The following SEZ6 variants were observed in gnomAD, a reference collection of about 807,000 sequenced individuals.
SEZ6 encodes the protein seizure related 6 homolog, also known as seizure protein 6 homolog.
In SEZ6, 53 loss-of-function variants were observed where a neutral mutation model predicts 101.0. The ratio of observed to expected loss-of-function variants is 0.52; its 90% CI spans 0.42 to 0.66. SEZ6 has a LOEUF of 0.66. SEZ6 is among the 30% of genes least tolerant of loss of function. The pLI, the probability that SEZ6 is intolerant of heterozygous loss-of-function variation, is 0.00. For missense variants in SEZ6, 1,102 were observed against 1,289.4 expected, an observed-to-expected ratio of 0.85 and a Z score of 2.23; for synonymous variants, 488 against 512.2, an observed-to-expected ratio of 0.95 and a Z score of 0.64.
At chr17:28,999,421 C>T (rs899431243) in intron 1 of SEZ6, among the ~76,000 whole-genome samples, 1 of 151,388 alleles carries the variant, frequency 6.6e-6, no homozygotes, top group Non-Finnish European at 1.5e-5. Context: ...TCCCACCCTA[C>T]CCCCTCCCTT....
In SEZ6 at chr17:28,980,089, C is replaced by T. The variant is rs200855464; in HGVS notation, c.725-276G>A. Reference sequence around the variant, plus strand: ...GTCTCCATCTCCTGACCTCATGATCCGCCCGCCTCAGCCTCCCAAAGTGCT... The same window carrying T: ...GTCTCCATCTCCTGACCTCATGATCTGCCCGCCTCAGCCTCCCAAAGTGCT... On this transcript the variant is annotated intron_variant, in intron 2 of 16. Transcript: ENST00000317338. 1.1e-4 allele frequency among the ~76,000 whole-genome samples: 16 copies of T among 151,790 alleles called. No homozygotes were observed. The East Asian group carries it at 2.7e-3, about 26-fold the overall frequency.
chr17:28,967,568 G>A (rs938322259), intron 4 of SEZ6, among the ~76,000 whole-genome samples: 2 of 152,232 alleles, frequency 1.3e-5, no homozygotes, highest in African/African-American at 4.8e-5. Flanking sequence ...GGATGGGATG[G>A]AGAAAGGGGT....
At chr17:28,962,780 CAAAA>C (rs141990354) in intron 5 of SEZ6, among the ~76,000 whole-genome samples, 4 of 47,312 alleles carry the variant, frequency 8.5e-5, no homozygotes, top group Admixed American at 2.3e-4. Flanking sequence ...GACTCCATCT[CAAAA>C]AAAAAAAAAA....
At chr17:28,981,056 C>T (rs567181951) in intron 2 of SEZ6, among the ~76,000 whole-genome samples, 3 of 152,142 alleles carry the variant, frequency 2.0e-5, no homozygotes, top group South Asian at 2.1e-4. Context: ...CCACCATGCC[C>T]GGCTCATTTT....
chr17:28,992,591 C>T (rs1180061958), intron 1 of SEZ6, among the ~76,000 whole-genome samples: 2 of 152,210 alleles, frequency 1.3e-5, no homozygotes, highest in African/African-American at 2.4e-5. Context: ...CTGTTGTGCC[C>T]CTTTTTCACT....
At position 28,960,126 on chromosome 17, in the gene SEZ6, C is replaced by T. The variant is rs747683144; in HGVS notation, c.1577-234G>A. The T allele has an allele frequency of 5.2e-4, 313 of 596,934 alleles. 2 individuals are homozygous for T. Among genetic ancestry groups the T allele is most frequent in the Non-Finnish European group, 7.9e-4 (269 of 338,874 alleles). The allele number at this position is 596,934 out of a possible 1,614,324, so 37.0% of individuals were successfully genotyped here. ...CCTGTTCCCACTGCCTGGTTTTGTG[C>T]TTAGTACACAGAAGGTACTCCATAC... On this transcript the variant is annotated intron_variant, in intron 7 of 16. Coordinates refer to ENST00000317338, the MANE Select transcript of SEZ6 (RefSeq NM_178860.5).
At chr17:28,991,766 C>T (rs563454759) in intron 1 of SEZ6, among the ~76,000 whole-genome samples, 1 of 152,200 alleles carries the variant, frequency 6.6e-6, no homozygotes, top group East Asian at 1.9e-4. Context: ...GGGAACTGGG[C>T]GTAGCAGCTA....
At chr17:28,992,366 G>A (rs559060400) in intron 1 of SEZ6, among the ~76,000 whole-genome samples, 3 of 152,244 alleles carry the variant, frequency 2.0e-5, no homozygotes, top group Admixed American at 2.0e-4. Flanking sequence ...GCACGTGCGT[G>A]TGTGTGTGGG....
intron 3 of SEZ6, among the ~76,000 whole-genome samples, chr17:28,971,286 G>A (rs2041147882): frequency 6.6e-6 from 1 of 152,134 alleles, no homozygotes. Context: ...CCTCACCTGG[G>A]AACTTGTAAG....
chr17:29,004,178 C>T (rs1447851500), intron 1 of SEZ6, among the ~76,000 whole-genome samples: 2 of 152,206 alleles, frequency 1.3e-5, no homozygotes, highest in Non-Finnish European at 2.9e-5. Flanking sequence ...CATGCAGGGC[C>T]CTGATTACTC....
intron 1 of SEZ6, among the ~76,000 whole-genome samples, chr17:29,001,125 G>A (rs2041609497): frequency 6.6e-6 from 1 of 152,150 alleles, no homozygotes; most frequent in Non-Finnish European, 1.5e-5. Context: ...CCAACTGTTA[G>A]GAAAGGAAAA....
At chr17:28,958,704 C>A (rs1029791075) in intron 10 of SEZ6, among the ~76,000 whole-genome samples, 1 of 151,750 alleles carries the variant, frequency 6.6e-6, no homozygotes, top group Non-Finnish European at 1.5e-5. Flanking sequence ...GCACGAGAAT[C>A]GCTTGAGCCC....
chr17:28,979,884 T>TG, intron 2 of SEZ6, 71 bp from the exon 3 acceptor site: 1 of 452,392 alleles, frequency 2.2e-6, no homozygotes. Context: ...CTGAACCGTG[T>TG]GTGTGTGTGT....
intron 3 of SEZ6, among the ~76,000 whole-genome samples, chr17:28,970,645 G>A (rs949538346): frequency 4.6e-5 from 7 of 152,116 alleles, no homozygotes; most frequent in Non-Finnish European, 1.0e-4. Context: ...CTAGATCACC[G>A]CAGCAGCCTC....
Position 28,979,722 on chromosome 17 carries a change from G to C in SEZ6, c.816C>G (p.Phe272Leu). The change falls in exon 3 of 17, where the codon TTC becomes TTG. Residue 272 changes from phenylalanine (F) to leucine (L), a missense_variant. Coordinates refer to ENST00000317338, the MANE Select transcript of SEZ6 (RefSeq NM_178860.5). The part of the protein sequence containing the change: ...SSPTDVGLDC[F>L]FYISVYPGYG... The stretch of plus-strand genomic sequence containing the variant: ...AGCCAGGGTAGACAGAGATGTAGAA[G>C]AAGCAGTCCAGGCCAACATCAGTGG... The C allele has an allele frequency of 6.2e-7, 1 of 1,614,004 alleles. No individual in the cohort carries two copies. The highest frequency in any genetic ancestry group is 8.5e-7 in the Non-Finnish European group (1 of 1,179,894).
chr17:28,958,223 C>G lies in SEZ6; in HGVS notation c.2108-82G>C. On this transcript the variant is annotated intron_variant, in intron 10 of 16. Transcript: ENST00000317338. Reference sequence around the variant, plus strand: ...CCCTCACCTTGAGGGCACTCTGGCTCCTGCTAGTTTGTCCTGGACCTAGAC... The same window carrying G: ...CCCTCACCTTGAGGGCACTCTGGCTGCTGCTAGTTTGTCCTGGACCTAGAC... The G allele has an allele frequency of 3.3e-6, 5 of 1,497,120 alleles. No individual in the cohort carries two copies. The South Asian group carries it at 5.1e-5, about 15-fold the overall frequency. 92.7% of individuals were successfully genotyped at this position (1,497,120 alleles called of 1,614,324 possible).
At chr17:28,992,860 G>A (rs2041484291) in intron 1 of SEZ6, among the ~76,000 whole-genome samples, 1 of 152,076 alleles carries the variant, frequency 6.6e-6, no homozygotes. Flanking sequence ...GGGGGCTGGA[G>A]AGGTGATGAA....
At chr17:28,989,648 A>G (rs1421051139) in intron 1 of SEZ6, among the ~76,000 whole-genome samples, 1 of 152,226 alleles carries the variant, frequency 6.6e-6, no homozygotes, top group Non-Finnish European at 1.5e-5. Flanking sequence ...AACCAACTCC[A>G]TCTTACCTTT....
intron 3 of SEZ6, among the ~76,000 whole-genome samples, chr17:28,974,312 G>A (rs1037595401): frequency 2.0e-5 from 3 of 151,922 alleles, no homozygotes; most frequent in South Asian, 2.1e-4. Context: ...CCACTTACAC[G>A]CACACAGCCC....
Sources: gnomAD v4.1 joint callset for allele counts (sites outside exome capture counted in the v4.1 genomes callset) on GRCh38, gnomAD v4.1.1 for gene constraint, MANE v1.5 for transcripts, NCBI Gene and HGNC (gene_info 2026-07-23, HGNC 2026-07-21) for gene names.